CIAO2A: variants seen among roughly 807,000 people sequenced by gnomAD.
CIAO2A encodes MIP18 family protein FAM96A.
A neutral mutation model predicts 22.4 loss-of-function variants in CIAO2A; 17 were observed. That is an observed-to-expected ratio of 0.76 (90% confidence interval 0.52 to 1.14). The LOEUF is 1.14. Among genes scored for constraint, CIAO2A ranks in the 50% most tolerant of loss-of-function variants. CIAO2A has a pLI of 0.00. For missense variants in CIAO2A, 192 were observed against 191.4 expected, an observed-to-expected ratio of 1.00 and a Z score of -0.02; for synonymous variants, 74 against 72.3, an observed-to-expected ratio of 1.02 and a Z score of -0.12.
At chr15:64,083,664 CG>C (rs1251574163) in intron 2 of CIAO2A, among the ~76,000 whole-genome samples, 2 of 152,110 alleles carry the variant, frequency 1.3e-5, no homozygotes, top group African/African-American at 4.8e-5. Context: ...ACCAATAGGC[CG>C]GGTGTGGCAG....
intron 3 of CIAO2A, among the ~76,000 whole-genome samples, chr15:64,077,011 T>C (rs3099730): frequency 1 from 152,271 of 152,306 alleles, 76,118 homozygotes; most frequent in Middle Eastern, 1. Flanking sequence ...TGGCCCCAAT[T>C]TTTTTTAAAA....
intron 3 of CIAO2A, among the ~76,000 whole-genome samples, chr15:64,076,809 C>CA (rs1421945039): frequency 7.3e-5 from 11 of 150,678 alleles, no homozygotes; most frequent in Non-Finnish European, 1.6e-4. Flanking sequence ...ACTACAGCCT[C>CA]GACTTCCTGG....
At chr15:64,076,678 A>G (rs1385808388) in intron 3 of CIAO2A, among the ~76,000 whole-genome samples, 1 of 151,790 alleles carries the variant, frequency 6.6e-6, no homozygotes, top group Non-Finnish European at 1.5e-5. Context: ...GAAAAATCAT[A>G]ACTTATTATA....
chr15:64,090,097 C>T (rs1299862318), intron 1 of CIAO2A: 5 of 152,124 alleles, frequency 3.3e-5, no homozygotes, highest in Non-Finnish European at 7.4e-5. Context: ...AATCCTAGCA[C>T]TTTGGGAGGC....
intron 2 of CIAO2A, among the ~76,000 whole-genome samples, chr15:64,085,775 C>T (rs2080789573): frequency 6.6e-6 from 1 of 151,974 alleles, no homozygotes; most frequent in East Asian, 2.0e-4. Flanking sequence ...GTGGCGTGAC[C>T]TTCGCTCACT....
chr15:64,072,727 A>G lies in CIAO2A; in HGVS notation c.*204T>C, dbSNP rs1190834857. ...CTAGAAAATATTATTCTGTCTGATCATTTAAGTGTTACAAATCCTGAGAAT... is the reference window on the plus strand; with the variant it reads ...CTAGAAAATATTATTCTGTCTGATCGTTTAAGTGTTACAAATCCTGAGAAT... On this transcript the variant is annotated 3_prime_UTR_variant, in exon 5 of 5. Transcript: ENST00000300030. 7.0e-6 allele frequency: 3 copies of G among 426,284 alleles called. No homozygotes were observed. Among genetic ancestry groups the G allele is most frequent in the South Asian group, 5.7e-5 (1 of 17,420 alleles). 26.4% of individuals were successfully genotyped at this position (426,284 alleles called of 1,614,324 possible).
At chr15:64,088,585 G>T (rs2080815219) in intron 2 of CIAO2A, 102 bp downstream of exon 2, 2 of 912,426 alleles carry the variant, frequency 2.2e-6, no homozygotes, top group Non-Finnish European at 3.2e-6. Context: ...TACATACACT[G>T]TATGGTTTTT....
intron 2 of CIAO2A, among the ~76,000 whole-genome samples, chr15:64,085,589 T>C (rs184837318): frequency 1.9e-4 from 29 of 152,372 alleles, no homozygotes; most frequent in Admixed American, 1.6e-3. Flanking sequence ...TACGACTCTA[T>C]AGATATCCTT....
chr15:64,077,008 A>G (rs978648347), intron 3 of CIAO2A, among the ~76,000 whole-genome samples: 1 of 152,058 alleles, frequency 6.6e-6, no homozygotes, highest in Non-Finnish European at 1.5e-5. Flanking sequence ...ACCTGGCCCC[A>G]ATTTTTTTTA....
Position 64,085,294 on chromosome 15 carries a change from G to A in CIAO2A, c.289+3393C>T, listed in dbSNP as rs189996903. Among the ~76,000 whole-genome samples the A allele has an allele frequency of 3.9e-5, 6 of 152,100 alleles. No individual in the cohort carries two copies. The East Asian group carries it at 1.2e-3, about 30-fold the overall frequency. ...TCATGCCTGTAATCCCAGCACTTGG[G>A]GAGGCTGAGGCATGAGCCCAGGAAT... is the stretch of plus-strand genomic sequence containing the variant. On this transcript the variant is annotated intron_variant, in intron 2 of 4. Coordinates refer to ENST00000300030, the MANE Select transcript of CIAO2A (RefSeq NM_032231.7).
intron 2 of CIAO2A, among the ~76,000 whole-genome samples, chr15:64,083,218 A>G (rs1382038791): frequency 6.6e-6 from 1 of 151,534 alleles, no homozygotes; most frequent in East Asian, 1.9e-4. Flanking sequence ...ATAGTATAAA[A>G]TATTACTATT....
At chr15:64,076,613 T>A (rs1340666288) in intron 3 of CIAO2A, among the ~76,000 whole-genome samples, 1 of 152,118 alleles carries the variant, frequency 6.6e-6, no homozygotes, top group African/African-American at 2.4e-5. Context: ...CTGGAACATA[T>A]GAACTAATTT....
At chr15:64,093,086 G>A (rs2080855834) in intron 1 of CIAO2A, among the ~76,000 whole-genome samples, 1 of 152,176 alleles carries the variant, frequency 6.6e-6, no homozygotes, top group Non-Finnish European at 1.5e-5. Flanking sequence ...GTGTGTGTGC[G>A]TTATGTGTGT....
chr15:64,087,480 T>G (rs1368073994), intron 2 of CIAO2A, among the ~76,000 whole-genome samples: 2 of 151,782 alleles, frequency 1.3e-5, no homozygotes, highest in Non-Finnish European at 2.9e-5. Flanking sequence ...CTACCCACCT[T>G]GGCCTCCCAA....
chr15:64,086,347 G>C (rs1378183947), intron 2 of CIAO2A, among the ~76,000 whole-genome samples: 1 of 152,010 alleles, frequency 6.6e-6, no homozygotes, highest in Non-Finnish European at 1.5e-5. Context: ...GGCAGGCGGA[G>C]GTTGCAGTAA....
intron 2 of CIAO2A, 106 bp downstream of exon 2, chr15:64,088,581 C>A: frequency 1.1e-6 from 1 of 871,278 alleles, no homozygotes; most frequent in African/African-American, 1.7e-5. Context: ...GTAATACATA[C>A]ACTGTATGGT....
chr15:64,080,191 G>C (rs1255194723), intron 3 of CIAO2A, among the ~76,000 whole-genome samples: 1 of 151,916 alleles, frequency 6.6e-6, no homozygotes, highest in Non-Finnish European at 1.5e-5. Context: ...TTCAAGACCA[G>C]CCTGGCCAAC....
At chr15:64,084,917 ACC>A (rs2140112162) in intron 2 of CIAO2A, among the ~76,000 whole-genome samples, 1 of 151,862 alleles carries the variant, frequency 6.6e-6, no homozygotes, top group East Asian at 1.9e-4. Flanking sequence ...ACATGGTGAA[ACC>A]CCGTCTCTAC....
rs2080865379 is a variant in CIAO2A, at chr15:64,093,748, C to G, written c.21G>C (p.Leu7=). 1.9e-6 allele frequency: 3 copies of G among 1,611,992 alleles called. No homozygotes were observed. Among genetic ancestry groups the G allele is most frequent in the Admixed American group, 3.3e-5 (2 of 59,922 alleles). The change falls in exon 1 of 5, where the codon CTG becomes CTC. Residue 7 remains leucine (L), a synonymous_variant. Transcript: ENST00000300030. ...GGACTCTGCTCAGCGTCCAGGAGAG[C>G]AGCCCGGACACCCGCTGCATCTTCA... MQRVSG[L]LSWTLSRVLW...
Sources: allele counts gnomAD v4.1 joint callset (sites outside exome capture counted in the v4.1 genomes callset), GRCh38; gene constraint gnomAD v4.1.1; transcripts MANE v1.5; gene names NCBI Gene and HGNC (gene_info 2026-07-23, HGNC 2026-07-21).